Variants in CSF2RA observed in about 807,000 individuals in gnomAD.
The protein encoded by CSF2RA is granulocyte-macrophage colony-stimulating factor receptor subunit alpha.
A neutral mutation model predicts 51.6 loss-of-function variants in CSF2RA; 42 were observed. That is an observed-to-expected ratio of 0.81 (90% CI 0.64 to 1.05). CSF2RA has a LOEUF of 1.05. Among genes scored for constraint, CSF2RA ranks in the 50% least tolerant of loss-of-function variants. The pLI is 0.00. For missense variants in CSF2RA, 530 were observed against 501.1 expected, an observed-to-expected ratio of 1.06 and a Z score of -0.55; for synonymous variants, 222 against 193.0, an observed-to-expected ratio of 1.15 and a Z score of -1.24.
At chrX:1,306,595 C>T (rs779775391) in intron 12 of CSF2RA, among the ~76,000 whole-genome samples, 21 of 151,880 alleles carry the variant, frequency 1.4e-4, no homozygotes, top group African/African-American at 4.8e-4. Flanking sequence ...TGCAGTGAGC[C>T]GAGATCGCAC....
chrX:1,300,714 C>T, intron 10 of CSF2RA, 88 bp downstream of exon 10: 5 of 1,571,454 alleles, frequency 3.2e-6, no homozygotes, highest in Middle Eastern at 1.9e-4. Flanking sequence ...GTCCTGGGCG[C>T]TGAGATCGAG....
Position 1,303,055 on chromosome X carries a change from A to T in CSF2RA, c.947-868A>T, listed in dbSNP as rs1371155528. The stretch of plus-strand genomic sequence containing the variant: ...GGCCAATTTTTGTATTTTTATTTTT[A>T]TTTATTTATTTATTTATTTTGAGAT... On this transcript the variant is annotated intron_variant, in intron 10 of 12. Transcript: ENST00000381529. The T allele has an allele frequency of 1.4e-4, 26 of 192,086 alleles. No homozygotes were observed. Among genetic ancestry groups the T allele is most frequent in the African/African-American group, 6.5e-4 (22 of 33,680 alleles). The allele number at this position is 192,086 out of a possible 1,614,324, so 11.9% of individuals were successfully genotyped here.
At chrX:1,317,225 G>A in the CSF2RA span, among the ~76,000 whole-genome samples, 1 of 144,452 alleles carries the variant, frequency 6.9e-6, no homozygotes, top group Non-Finnish European at 1.5e-5. Flanking sequence ...TGGGATGACA[G>A]GCGTGAGCCA....
At chrX:1,320,902 C>T in the CSF2RA span, among the ~76,000 whole-genome samples, 3 of 150,858 alleles carry the variant, frequency 2.0e-5, no homozygotes, top group East Asian at 2.0e-4. Flanking sequence ...TACAGTGGCG[C>T]GATCTCAGCT....
In CSF2RA at chrX:1,286,155, C is replaced by G. The variant is rs1217961456; in HGVS notation, c.219+235C>G. 1.5e-4 allele frequency among the ~76,000 whole-genome samples: 23 copies of G among 151,840 alleles called. 1 individual carries two copies. The highest frequency in any genetic ancestry group is 3.1e-4 in the Non-Finnish European group (21 of 67,988). On this transcript the variant is annotated intron_variant, in intron 4 of 12. Coordinates refer to ENST00000381529, the MANE Select transcript of CSF2RA (RefSeq NM_172245.4). ...GGCGTGCTGGTGCATGCCTGTAGTC[C>G]CAGCTACTCAGGAGGCTGAGGGCAG... is the stretch of plus-strand genomic sequence containing the variant.
At chrX:1,293,503 G>A (rs1186980585) in intron 7 of CSF2RA, among the ~76,000 whole-genome samples, 1 of 141,948 alleles carries the variant, frequency 7.0e-6, no homozygotes. Flanking sequence ...ACAGGCGTGA[G>A]CCACCGCGCC....
At chrX:1,289,609 T>C (rs2091141445) in intron 6 of CSF2RA, among the ~76,000 whole-genome samples, 1 of 151,924 alleles carries the variant, frequency 6.6e-6, no homozygotes. Context: ...GTTTTTTGTG[T>C]TTGTTTTTGT....
intron 2 of CSF2RA, 49 bp from the exon 3 acceptor site, chrX:1,282,629 G>A (rs1206387540): frequency 1.5e-6 from 2 of 1,359,974 alleles, no homozygotes; most frequent in South Asian, 1.2e-5. Flanking sequence ...TGCCAGGAAT[G>A]TCCTGGGAGA....
chrX:1,304,811 T>C (rs1158308599), intron 11 of CSF2RA, among the ~76,000 whole-genome samples: 1 of 134,490 alleles, frequency 7.4e-6, no homozygotes, highest in African/African-American at 2.8e-5. Context: ...ATTACAGGCA[T>C]GCACCACGAT....
chrX:1,281,022 CT>C (rs2089936239), intron 2 of CSF2RA, among the ~76,000 whole-genome samples: 4 of 93,062 alleles, frequency 4.3e-5, no homozygotes, highest in Non-Finnish European at 9.8e-5. Context: ...CCTCCTCCTC[CT>C]TCTCCTCCTC....
chrX:1,276,200 T>G (rs1453431993), intron 2 of CSF2RA, among the ~76,000 whole-genome samples: 5 of 149,632 alleles, frequency 3.3e-5, no homozygotes, highest in Non-Finnish European at 7.4e-5. Flanking sequence ...TTTGTTTGTT[T>G]GTTTTTGTTT....
chrX:1,295,329 A>T, intron 8 of CSF2RA, 98 bp from the exon 9 acceptor site: 1 of 1,506,454 alleles, frequency 6.6e-7, no homozygotes. Context: ...ACTCCTTCCC[A>T]TTCGGTGCCC....
the CSF2RA span, among the ~76,000 whole-genome samples, chrX:1,315,796 TAGATAGATAGATAGA>T: frequency 0.01 from 1,507 of 150,008 alleles, 14 homozygotes; most frequent in Non-Finnish European, 0.016. Context: ...GATAGATAGA[TAGATAGATAGATAGA>T]TAGATAGATT....
chrX:1,280,666 C>A (rs186743038), intron 2 of CSF2RA, among the ~76,000 whole-genome samples: 15 of 143,204 alleles, frequency 1.0e-4, no homozygotes, highest in African/African-American at 3.6e-4. Context: ...TCTTCCTCCT[C>A]TTCCTCCTCC....
At chrX:1,303,792 G>A in intron 10 of CSF2RA, 131 bp from the exon 11 acceptor site, 1 of 850,938 alleles carries the variant, frequency 1.2e-6, no homozygotes, top group Admixed American at 1.7e-5. Context: ...AGGGAGGCAG[G>A]TTTGCTGGGC....
At chrX:1,315,853 T>G in the CSF2RA span, among the ~76,000 whole-genome samples, 1 of 148,450 alleles carries the variant, frequency 6.7e-6, no homozygotes, top group African/African-American at 2.5e-5. Flanking sequence ...GATGGATAGA[T>G]AGATGGATGA....
At chrX:1,304,827 C>G (rs1329435040) in intron 11 of CSF2RA, among the ~76,000 whole-genome samples, 18 of 140,636 alleles carry the variant, frequency 1.3e-4, no homozygotes, top group East Asian at 2.2e-4. Flanking sequence ...ACGATGCTCA[C>G]CTAATTTTTG....
chrX:1,295,290 G>C (rs2091835213), intron 8 of CSF2RA, 137 bp from the exon 9 acceptor site: 1 of 1,068,234 alleles, frequency 9.4e-7, no homozygotes, highest in Non-Finnish European at 1.5e-6. Flanking sequence ...GGGGTTTGTG[G>C]AGGGAGACCT....
In CSF2RA at chrX:1,304,649, TTTTTG is replaced by T. The variant is rs1318556313; in HGVS notation, c.1043+634_1043+638del. Among the ~76,000 whole-genome samples, 60 of 117,886 alleles carry T rather than the reference TTTTTG, an allele frequency of 5.1e-4. 1 individual carries two copies. The highest frequency in any genetic ancestry group is 1.9e-3 in the African/African-American group (58 of 30,192). The allele number at this position is 117,886 out of a possible 152,430, so 77.3% of individuals were successfully genotyped here. A position where few individuals can be genotyped will look rare whatever the true frequency, so the allele number is the denominator to read the frequency against. On this transcript the variant is annotated intron_variant, in intron 11 of 12. Coordinates refer to ENST00000381529, the MANE Select transcript of CSF2RA (RefSeq NM_172245.4). ...GGTTTCTGGGTTGGAGGTGGGTTTT[TTTTTG>T]TTTGTTTGTTTTTTTGTTTTTTGTT...
Sources: allele counts gnomAD v4.1 joint callset (sites outside exome capture counted in the v4.1 genomes callset), GRCh38; gene constraint gnomAD v4.1.1; transcripts MANE v1.5; gene names NCBI Gene and HGNC (gene_info 2026-07-23, HGNC 2026-07-21).